Variants in ZFYVE26 observed in about 807,000 individuals in gnomAD.
ZFYVE26 encodes the protein zinc finger FYVE-type containing 26.
In ZFYVE26, 181 loss-of-function variants were observed where a neutral mutation model predicts 276.5. That is an observed-to-expected ratio of 0.65 (90% CI 0.58 to 0.74). The LOEUF is 0.74. Ranked by LOEUF, ZFYVE26 falls within the 30% of genes least tolerant of loss-of-function variation. The pLI, the probability that ZFYVE26 is intolerant of heterozygous loss-of-function variation, is 0.00. For missense variants in ZFYVE26, 2,821 were observed against 3,097.9 expected (o/e 0.91, Z 2.12); for synonymous variants, 1,129 against 1,203.1 (o/e 0.94, Z 1.27).
At chr14:67,808,905 T>C (rs757946880) in intron 4 of ZFYVE26, among the ~76,000 whole-genome samples, 2 of 152,196 alleles carry the variant, frequency 1.3e-5, no homozygotes, top group Non-Finnish European at 2.9e-5. Context: ...GACCCTGTTA[T>C]AGAAAAGATA....
Position 67,785,161 on chromosome 14 carries a change from G to C in ZFYVE26, c.3421C>G (p.Gln1141Glu), listed in dbSNP as rs1282512008. 6.2e-6 allele frequency: 10 copies of C among 1,614,232 alleles called. No individual in the cohort carries two copies. Among genetic ancestry groups the C allele is most frequent in the Middle Eastern group, 1.6e-4 (1 of 6,062 alleles). The part of the protein sequence containing the change: ...TQLLQKNLGK[Q>E]TPSGSRQMDY... Reference sequence around the variant, plus strand: ...ATCTGCCTGCTGCCTGATGGGGTCTGTTTGCCCAGGTTCTTCTGGAGGAGC... The same window carrying C: ...ATCTGCCTGCTGCCTGATGGGGTCTCTTTGCCCAGGTTCTTCTGGAGGAGC... Residue 1141 changes from glutamine to glutamate, a missense_variant, in exon 19 of 42, where the codon CAG becomes GAG. Gln to Glu is a conservative substitution (Grantham distance 29, BLOSUM62 2). Coordinates refer to ENST00000347230, the MANE Select transcript of ZFYVE26 (RefSeq NM_015346.4).
intron 15 of ZFYVE26, 123 bp downstream of exon 15, chr14:67,790,449 G>A (rs2039780155): frequency 9.4e-7 from 1 of 1,062,674 alleles, no homozygotes; most frequent in Non-Finnish European, 1.4e-6. Context: ...GTTTTTCAAG[G>A]CAGGTGTCCT....
intron 10 of ZFYVE26, chr14:67,799,432 G>C (rs2040034058): frequency 1.2e-6 from 2 of 1,612,388 alleles, no homozygotes; most frequent in African/African-American, 1.3e-5. Flanking sequence ...AAGCAGAAAC[G>C]AGCAGAAAGG....
rs755567729 is a variant in ZFYVE26 at position 67,790,634 on chromosome 14, G to A, written c.2693C>T (p.Thr898Ile). The change falls in exon 15 of 42, where the codon ACC (threonine) becomes ATC (isoleucine). Residue 898 changes from threonine (T) to isoleucine (I), a missense_variant. By Grantham distance (89) the Thr-to-Ile change is moderately conservative. Coordinates refer to ENST00000347230, the MANE Select transcript of ZFYVE26 (RefSeq NM_015346.4). ...GCGGCCACTGCCAGTTCTCCGAATG[G>A]TGCTGCTACCCGCATCTGAGTTCTG... is the stretch of plus-strand genomic sequence containing the variant. ...ENQNSDAGSSTIRRTGSGRST... is the reference protein window; with the variant it reads ...ENQNSDAGSSIIRRTGSGRST... 1 of 1,614,136 alleles carries A rather than the reference G, an allele frequency of 6.2e-7. No homozygotes were observed. The highest frequency in any genetic ancestry group is 1.1e-5 in the South Asian group (1 of 91,088).
intron 16 of ZFYVE26, 80 bp downstream of exon 16, chr14:67,789,255 C>G: frequency 6.3e-7 from 1 of 1,599,076 alleles, no homozygotes; most frequent in Non-Finnish European, 8.5e-7. Context: ...TAACTGCTTT[C>G]TTCCTGGACA....
intron 14 of ZFYVE26, among the ~76,000 whole-genome samples, chr14:67,793,402 T>G (rs1398875341): frequency 6.6e-6 from 1 of 152,106 alleles, no homozygotes; most frequent in Non-Finnish European, 1.5e-5. Context: ...AAAACACTGC[T>G]TATGTTAAGA....
chr14:67,794,081 TGC>T, intron 13 of ZFYVE26, 88 bp downstream of exon 13: 1 of 1,398,568 alleles, frequency 7.2e-7, no homozygotes, highest in South Asian at 1.2e-5. Flanking sequence ...CAACCTTGAC[TGC>T]TCAATCCTGG....
rs1301204433 is a variant in ZFYVE26 at position 67,806,554 on chromosome 14, C to T, written c.1008G>A (p.Glu336=). 2 of 1,614,190 alleles carry T rather than the reference C, an allele frequency of 1.2e-6. No homozygotes were observed. Among genetic ancestry groups the T allele is most frequent in the Non-Finnish European group, 1.7e-6 (2 of 1,180,016 alleles). Reference sequence around the variant, plus strand: ...ATTAAGCTTGACTTACCAGAATCTGCTCGAGGAAGTGTTTGTTGTTGCTCA... The same window carrying T: ...ATTAAGCTTGACTTACCAGAATCTGTTCGAGGAAGTGTTTGTTGTTGCTCA... ...YCLSNNKHFL[E]QILVTALTLL... is the part of the protein sequence containing the mutation. Residue 336 remains glutamate (E), a synonymous_variant, in exon 6 of 42, where the codon GAG becomes GAA. Transcript: ENST00000347230.
chr14:67,813,869 A>G, intron 3 of ZFYVE26, 117 bp downstream of exon 3: 2 of 772,370 alleles, frequency 2.6e-6, no homozygotes, highest in Non-Finnish European at 4.5e-6. Flanking sequence ...TTCTTTGAGA[A>G]TGAGTATGAT....
In ZFYVE26 at chr14:67,783,267, T is replaced by C. The variant is rs2140223512; in HGVS notation, c.3885A>G (p.Ser1295=). The change falls in exon 21 of 42, where the codon TCA becomes TCG. Residue 1295 remains serine, a synonymous_variant. Transcript: ENST00000347230. The stretch of plus-strand genomic sequence containing the variant: ...CAGAGGAGGTGAGGGCTGGGAGTGA[T>C]GAGTCCCTTGGGGAGGAGTAGGGCT... ...ERKPYSSPRD[S]SLPALTSSAL... 4 of 1,613,918 alleles carry C rather than the reference T, an allele frequency of 2.5e-6. No homozygotes were observed. The highest frequency in any genetic ancestry group is 3.4e-6 in the Non-Finnish European group (4 of 1,179,824).
intron 13 of ZFYVE26, among the ~76,000 whole-genome samples, chr14:67,736,093 C>T (rs2038349447): frequency 6.6e-6 from 1 of 152,170 alleles, no homozygotes; most frequent in African/African-American, 2.4e-5. Flanking sequence ...CTCATAAACT[C>T]AAGGAAGGGT....
At chr14:67,798,927 G>A in intron 10 of ZFYVE26, 1 of 1,055,860 alleles carries the variant, frequency 9.5e-7, no homozygotes, top group Non-Finnish European at 1.4e-6. Context: ...AGCTCCGCTT[G>A]GCGCCTCTGA....
At chr14:67,793,513 C>T (rs1358139724) in intron 14 of ZFYVE26, 95 bp downstream of exon 14, 17 of 1,416,702 alleles carry the variant, frequency 1.2e-5, no homozygotes, top group Non-Finnish European at 1.6e-5. Context: ...TGATGTGGAC[C>T]CCTGAGTGCT....
In ZFYVE26 at chr14:67,805,584, A is replaced by T. The variant is rs1419790773; in HGVS notation, c.1052T>A (p.Phe351Tyr). 1 of 1,614,070 alleles carries T rather than the reference A, an allele frequency of 6.2e-7. No homozygotes were observed. The highest frequency in any genetic ancestry group is 8.5e-7 in the Non-Finnish European group (1 of 1,180,036). The change falls in exon 7 of 42, where the codon TTC becomes TAC. Residue 351 changes from phenylalanine to tyrosine, a missense_variant. Transcript: ENST00000347230. ...ATCAAGTAGGCAGCCAAGATTTGGG[A>T]AGTCTTCTTCTTTCAACAATGTTAG... is the stretch of plus-strand genomic sequence containing the variant. ...TALTLLKEED[F>Y]PNLGCLLDRE...
chr14:67,790,041 T>C (rs2039768647), intron 15 of ZFYVE26, among the ~76,000 whole-genome samples: 1 of 152,184 alleles, frequency 6.6e-6, no homozygotes, highest in Non-Finnish European at 1.5e-5. Context: ...GATGGTACCA[T>C]GGTATGTAGG....
At chr14:67,762,544 T>C in intron 33 of ZFYVE26, 128 bp downstream of exon 33, 3 of 1,552,130 alleles carry the variant, frequency 1.9e-6, no homozygotes, top group Non-Finnish European at 2.6e-6. Flanking sequence ...GCTGGCAAAC[T>C]AGTCATGTCC....
chr14:67,773,802 T>G (rs2039273482), intron 27 of ZFYVE26, among the ~76,000 whole-genome samples: 1 of 152,168 alleles, frequency 6.6e-6, no homozygotes, highest in Non-Finnish European at 1.5e-5. Context: ...AAAAGAGAGA[T>G]GTAAAACATA....
At chr14:67,757,694 CCTTT>C (rs1159140052) in intron 35 of ZFYVE26, among the ~76,000 whole-genome samples, 2 of 132,594 alleles carry the variant, frequency 1.5e-5, no homozygotes, top group Non-Finnish European at 3.2e-5. Flanking sequence ...CTCTCTCTTT[CCTTT>C]CTTTCTCTCT....
intron 13 of ZFYVE26, among the ~76,000 whole-genome samples, chr14:67,739,344 G>A (rs1239505349): frequency 1.3e-5 from 2 of 152,184 alleles, no homozygotes; most frequent in African/African-American, 2.4e-5. Context: ...TGCTGATGAC[G>A]TGGTGGTGAG....
Sources: gnomAD v4.1 joint callset for allele counts (sites outside exome capture counted in the v4.1 genomes callset) on GRCh38, gnomAD v4.1.1 for gene constraint, MANE v1.5 for transcripts, NCBI Gene and HGNC (gene_info 2026-07-23, HGNC 2026-07-21) for gene names.